The following KIF13B variants were observed in gnomAD, a reference collection of about 807,000 sequenced individuals.
KIF13B encodes the protein kinesin family member 13B.
Under a neutral mutation model 222.0 loss-of-function variants are expected in KIF13B, and 127 were observed. That is an observed-to-expected ratio of 0.57 (90% CI 0.50 to 0.66). The LOEUF (loss-of-function observed/expected upper bound fraction) is 0.66, where lower values mean the gene tolerates loss of function less well. Ranked by LOEUF, KIF13B falls within the 30% of genes least tolerant of loss-of-function variation. The pLI is 0.00. For synonymous variants in KIF13B, 976 were observed against 919.0 expected, an observed-to-expected ratio of 1.06 and a Z score of -1.12; for missense variants, 2,173 against 2,379.0, an observed-to-expected ratio of 0.91 and a Z score of 1.80.
intron 2 of KIF13B, among the ~76,000 whole-genome samples, chr8:29,238,988 T>C (rs1815637355): frequency 6.6e-6 from 1 of 152,112 alleles, no homozygotes; most frequent in Admixed American, 6.6e-5. Context: ...CAGTGAGCAG[T>C]GATCACACCA....
intron 2 of KIF13B, 30 bp from the exon 3 acceptor site, chr8:29,196,229 A>C: frequency 6.6e-7 from 1 of 1,506,282 alleles, no homozygotes; most frequent in South Asian, 1.3e-5. Flanking sequence ...GTCATCATTG[A>C]CGTGAAAGAA....
chr8:29,210,310 C>G (rs1213948268), intron 2 of KIF13B, among the ~76,000 whole-genome samples: 1 of 152,190 alleles, frequency 6.6e-6, no homozygotes, highest in African/African-American at 2.4e-5. Flanking sequence ...AGCACACAGA[C>G]AGCCCTACAG....
rs201913220 is a variant in KIF13B, at chr8:29,140,224, C to T, written c.2485-33G>A. The stretch of plus-strand genomic sequence containing the variant: ...AATGAGGGAAGGCAGAAACATTTCT[C>T]CAGATTTGGTTCGTGCTCCCTTGAG... On this transcript the variant is annotated intron_variant, in intron 20 of 39. Coordinates refer to ENST00000524189, the MANE Select transcript of KIF13B (RefSeq NM_015254.4). The T allele has an allele frequency of 1.2e-3, 2,004 of 1,612,236 alleles. 8 individuals carry two copies. Among genetic ancestry groups the T allele is most frequent in the Middle Eastern group, 8.7e-3 (53 of 6,058 alleles).
At position 29,109,472 on chromosome 8, in the gene KIF13B, A is replaced by G. The variant is rs1390534560; in HGVS notation, c.4123T>C (p.Leu1375=). 1 of 1,614,006 alleles carries G rather than the reference A, an allele frequency of 6.2e-7. No individual in the cohort carries two copies. Among genetic ancestry groups the G allele is most frequent in the South Asian group, 1.1e-5 (1 of 91,082 alleles). ...VKEQLTGKGK[L]SRRSISSPNV... ...GGAGAACTGATACTCCTCCTGCTCAACTTTCCTTTTCCTGTTAACTGTTCC... is the reference window on the plus strand; with the variant it reads ...GGAGAACTGATACTCCTCCTGCTCAGCTTTCCTTTTCCTGTTAACTGTTCC... Residue 1375 remains leucine (L), a synonymous_variant, in exon 34 of 40, where the codon TTG becomes CTG. Coordinates refer to ENST00000524189, the MANE Select transcript of KIF13B (RefSeq NM_015254.4).
chr8:29,160,031 T>C (rs1304972712), intron 13 of KIF13B, among the ~76,000 whole-genome samples: 3 of 152,280 alleles, frequency 2.0e-5, no homozygotes, highest in Non-Finnish European at 4.4e-5. Context: ...TAGTCCATCA[T>C]ATATGATAAG....
intron 1 of KIF13B, among the ~76,000 whole-genome samples, chr8:29,253,381 TA>T (rs775256661): frequency 5.7e-4 from 86 of 151,424 alleles, no homozygotes; most frequent in Non-Finnish European, 2.9e-4. Flanking sequence ...ACCAAAAACA[TA>T]AAATGTTCAT....
intron 37 of KIF13B, among the ~76,000 whole-genome samples, chr8:29,080,871 C>T (rs944481759): frequency 1.3e-5 from 2 of 152,210 alleles, no homozygotes; most frequent in African/African-American, 4.8e-5. Flanking sequence ...GGGTTTCTGA[C>T]CCACATGATA....
intron 21 of KIF13B, among the ~76,000 whole-genome samples, chr8:29,139,640 G>A (rs1810718163): frequency 6.6e-6 from 1 of 152,128 alleles, no homozygotes; most frequent in African/African-American, 2.4e-5. Flanking sequence ...ATGTTTACTG[G>A]GAAAGAGGAC....
chr8:29,144,483 C>T (rs1047486787), intron 18 of KIF13B, among the ~76,000 whole-genome samples: 2 of 152,132 alleles, frequency 1.3e-5, no homozygotes, highest in African/African-American at 4.8e-5. Context: ...GTCTCGAACT[C>T]CTGACCTCAG....
chr8:29,117,102 C>T, intron 30 of KIF13B, 95 bp from the exon 31 acceptor site: 1 of 1,097,584 alleles, frequency 9.1e-7, no homozygotes, highest in African/African-American at 1.6e-5. Flanking sequence ...TGAAAGGGCA[C>T]ATGCCAGTCA....
intron 36 of KIF13B, among the ~76,000 whole-genome samples, chr8:29,098,794 A>G (rs1808660395): frequency 6.6e-6 from 1 of 152,204 alleles, no homozygotes; most frequent in African/African-American, 2.4e-5. Flanking sequence ...AAGCCAATGC[A>G]ATCATAACAA....
chr8:29,263,172 CG>C, upstream of KIF13B: 1 of 718,584 alleles, frequency 1.4e-6, no homozygotes, highest in Non-Finnish European at 2.2e-6. Context: ...GCGCGAGCTC[CG>C]GGCGCTCCCC....
chr8:29,141,465 A>G (rs573153443), intron 19 of KIF13B, among the ~76,000 whole-genome samples: 21 of 152,352 alleles, frequency 1.4e-4, no homozygotes, highest in African/African-American at 4.8e-4. Context: ...TCACCTAACT[A>G]TAAGAAACAT....
At chr8:29,236,213 T>C (rs1164663104) in intron 2 of KIF13B, among the ~76,000 whole-genome samples, 1 of 152,236 alleles carries the variant, frequency 6.6e-6, no homozygotes, top group East Asian at 1.9e-4. Context: ...TCCTCACACC[T>C]ATTTTAAATT....
chr8:29,158,110 A>T (rs1811619388), intron 13 of KIF13B, among the ~76,000 whole-genome samples: 1 of 152,142 alleles, frequency 6.6e-6, no homozygotes. Flanking sequence ...GACATGGGTC[A>T]TTTCTTACCG....
rs565152263 is a variant in KIF13B at position 29,139,571 on chromosome 8, C to T, written c.2613+492G>A. Among the ~76,000 whole-genome samples the T allele has an allele frequency of 1.1e-4, 17 of 152,342 alleles. No homozygotes were observed. The South Asian group carries it at 3.3e-3, about 30-fold the overall frequency. The stretch of plus-strand genomic sequence containing the variant: ...GCCCAACTCCAACAGCTCCAGCTTC[C>T]CGCTACCTTGTGGCTGACACGTAAC... On this transcript the variant is annotated intron_variant, in intron 21 of 39. Coordinates refer to ENST00000524189, the MANE Select transcript of KIF13B (RefSeq NM_015254.4).
chr8:29,144,549 T>C (rs1405137541), intron 18 of KIF13B, among the ~76,000 whole-genome samples: 2 of 152,136 alleles, frequency 1.3e-5, no homozygotes, highest in African/African-American at 2.4e-5. Context: ...TGAGCCACCA[T>C]GCCCGGCCAT....
At chr8:29,108,909 T>G (rs1809223828) in intron 34 of KIF13B, among the ~76,000 whole-genome samples, 1 of 152,250 alleles carries the variant, frequency 6.6e-6, no homozygotes, top group Non-Finnish European at 1.5e-5. Context: ...GCCTATTTCT[T>G]TGTGAAGGAT....
intron 32 of KIF13B, among the ~76,000 whole-genome samples, chr8:29,112,046 A>T (rs140030775): frequency 1.0e-3 from 156 of 152,354 alleles, no homozygotes; most frequent in African/African-American, 3.7e-3. Context: ...CACTTCAAAG[A>T]TCCAGGAAAG....
Sources: allele counts gnomAD v4.1 joint callset (sites outside exome capture counted in the v4.1 genomes callset), GRCh38; gene constraint gnomAD v4.1.1; transcripts MANE v1.5; gene names NCBI Gene and HGNC (gene_info 2026-07-23, HGNC 2026-07-21).